RRAS2: variants seen among roughly 807,000 people sequenced by gnomAD.
RRAS2 encodes ras-related protein R-Ras2.
In RRAS2, 7 loss-of-function variants were observed where a neutral mutation model predicts 27.6. The ratio of observed to expected loss-of-function variants is 0.25; its 90% CI spans 0.14 to 0.48. The LOEUF (loss-of-function observed/expected upper bound fraction) is 0.48, where lower values mean the gene tolerates loss of function less well. Among genes scored for constraint, RRAS2 ranks in the 20% least tolerant of loss-of-function variants. The probability of loss-of-function intolerance (pLI) is 0.99; values close to 1 mark genes in which losing one functional copy is unlikely to be tolerated. For missense variants in RRAS2, 178 were observed against 256.2 expected, an observed-to-expected ratio of 0.69 and a Z score of 2.08; for synonymous variants, 86 against 90.9, an observed-to-expected ratio of 0.95 and a Z score of 0.31.
chr11:14,279,839 T>C (rs532676781), intron 5 of RRAS2, among the ~76,000 whole-genome samples: 2 of 152,350 alleles, frequency 1.3e-5, no homozygotes, highest in Admixed American at 6.5e-5. Context: ...GTTGACCTAG[T>C]CTGAGCCCCA....
In RRAS2 at chr11:14,287,527, T is replaced by A. The variant is rs145130001; in HGVS notation, c.409-5807A>T. On this transcript the variant is annotated intron_variant, in intron 4 of 5. Coordinates refer to ENST00000256196, the MANE Select transcript of RRAS2 (RefSeq NM_012250.6). Reference sequence around the variant, plus strand: ...GATACCTTGTCCTACCCATCATGCATAATGTAATTCACATAAACAGGAATA... The same window carrying A: ...GATACCTTGTCCTACCCATCATGCAAAATGTAATTCACATAAACAGGAATA... Among the ~76,000 whole-genome samples, 426 of 152,278 alleles carry A rather than the reference T, an allele frequency of 2.8e-3. 1 individual carries two copies. The highest frequency in any genetic ancestry group is 3.8e-3 in the African/African-American group (157 of 41,578).
chr11:14,283,945 T>C (rs1482581976), intron 4 of RRAS2, among the ~76,000 whole-genome samples: 3 of 152,294 alleles, frequency 2.0e-5, no homozygotes, highest in Non-Finnish European at 4.4e-5. Context: ...GCAATCCTCC[T>C]GCCTCAGCCT....
intron 2 of RRAS2, among the ~76,000 whole-genome samples, chr11:14,295,421 C>CT (rs529193885): frequency 1.1e-3 from 175 of 152,292 alleles, no homozygotes; most frequent in African/African-American, 4.0e-3. Flanking sequence ...CAGTATCAAA[C>CT]TTTTTCTATA....
chr11:14,328,238 T>C (rs1848406819), intron 1 of RRAS2, among the ~76,000 whole-genome samples: 1 of 151,818 alleles, frequency 6.6e-6, no homozygotes, highest in Non-Finnish European at 1.5e-5. Flanking sequence ...TGGTGGTGCA[T>C]GCCTGTAATC....
chr11:14,309,697 G>A (rs1317949895), intron 1 of RRAS2, among the ~76,000 whole-genome samples: 1 of 152,228 alleles, frequency 6.6e-6, no homozygotes, highest in Non-Finnish European at 1.5e-5. Flanking sequence ...GCAGTGCGGT[G>A]AGAGTACTGT....
intron 1 of RRAS2, among the ~76,000 whole-genome samples, chr11:14,311,600 C>T (rs968276425): frequency 2.0e-5 from 3 of 151,994 alleles, no homozygotes; most frequent in African/African-American, 4.8e-5. Flanking sequence ...TTCCTGATCT[C>T]GGGTGATCCG....
At chr11:14,315,228 T>C (rs1848071782) in intron 1 of RRAS2, among the ~76,000 whole-genome samples, 3 of 152,246 alleles carry the variant, frequency 2.0e-5, no homozygotes, top group African/African-American at 4.8e-5. Context: ...CAGACAAACA[T>C]TACCTCAGCC....
At chr11:14,319,031 T>A (rs1383524891) in intron 1 of RRAS2, among the ~76,000 whole-genome samples, 2 of 152,238 alleles carry the variant, frequency 1.3e-5, no homozygotes, top group African/African-American at 4.8e-5. Context: ...AGACTTTAAG[T>A]AACTTGCCCA....
intron 5 of RRAS2, among the ~76,000 whole-genome samples, chr11:14,281,283 T>C (rs544425941): frequency 6.6e-6 from 1 of 152,316 alleles, no homozygotes; most frequent in East Asian, 1.9e-4. Context: ...GAGGATTACA[T>C]GTAATAATAC....
chr11:14,287,769 G>A (rs1166314716), intron 4 of RRAS2, among the ~76,000 whole-genome samples: 1 of 151,686 alleles, frequency 6.6e-6, no homozygotes. Context: ...CTACTCGGGA[G>A]GCTGAGGCAG....
intron 1 of RRAS2, among the ~76,000 whole-genome samples, chr11:14,332,873 C>T (rs1434773792): frequency 2.6e-5 from 4 of 152,044 alleles, no homozygotes; most frequent in African/African-American, 9.7e-5. Flanking sequence ...AATCAGAGTT[C>T]CCTGGAAACA....
In RRAS2 at chr11:14,296,823, A is replaced by G. The variant is rs1847566303; in HGVS notation, c.109-968T>C. Among the ~76,000 whole-genome samples, 5 of 152,220 alleles carry G rather than the reference A, an allele frequency of 3.3e-5. No individual in the cohort carries two copies. In the South Asian group the frequency reaches 1.0e-3, roughly 32 times the overall value. On this transcript the variant is annotated intron_variant, in intron 1 of 5. Coordinates refer to ENST00000256196, the MANE Select transcript of RRAS2 (RefSeq NM_012250.6). ...CCAACTACCGAAGTCATTACCATAA[A>G]AAAAAGGGGGGGGACAGTTAAAGTA...
chr11:14,314,413 C>T (rs565394750), intron 1 of RRAS2, among the ~76,000 whole-genome samples: 4 of 152,186 alleles, frequency 2.6e-5, no homozygotes, highest in African/African-American at 9.6e-5. Flanking sequence ...CAACCAAATC[C>T]TCAATTTTAG....
chr11:14,328,225 G>A (rs1231818684), intron 1 of RRAS2, among the ~76,000 whole-genome samples: 1 of 152,012 alleles, frequency 6.6e-6, no homozygotes, highest in Non-Finnish European at 1.5e-5. Context: ...AATTAGCCAG[G>A]TGTGGTGGTG....
At chr11:14,331,644 G>A (rs1006993372) in intron 1 of RRAS2, among the ~76,000 whole-genome samples, 16 of 141,690 alleles carry the variant, frequency 1.1e-4, no homozygotes, top group African/African-American at 1.9e-4. Context: ...CAAGTCCAGC[G>A]TAGGCAACAT....
At chr11:14,281,499 T>G (rs1330077632) in intron 5 of RRAS2, 103 bp downstream of exon 5, 5 of 809,118 alleles carry the variant, frequency 6.2e-6, no homozygotes, top group African/African-American at 1.8e-5. Context: ...ATGCACCATG[T>G]GCATTAATCC....
At chr11:14,289,495 A>G (rs1412406868) in intron 4 of RRAS2, among the ~76,000 whole-genome samples, 1 of 152,238 alleles carries the variant, frequency 6.6e-6, no homozygotes, top group Non-Finnish European at 1.5e-5. Context: ...TATTTTAGCA[A>G]AGTTAAGCAA....
chr11:14,296,425 G>A (rs1847553008), intron 1 of RRAS2, among the ~76,000 whole-genome samples: 1 of 151,946 alleles, frequency 6.6e-6, no homozygotes, highest in South Asian at 2.1e-4. Flanking sequence ...ATGCAAGACT[G>A]TAAAAGATCT....
At chr11:14,304,726 T>A (rs1215969637) in intron 1 of RRAS2, among the ~76,000 whole-genome samples, 1 of 152,166 alleles carries the variant, frequency 6.6e-6, no homozygotes, top group Non-Finnish European at 1.5e-5. Context: ...GTAGCCTCCA[T>A]TTTCTAAAAC....
Sources: gnomAD v4.1 joint callset for allele counts (sites outside exome capture counted in the v4.1 genomes callset) on GRCh38, gnomAD v4.1.1 for gene constraint, MANE v1.5 for transcripts, NCBI Gene and HGNC (gene_info 2026-07-23, HGNC 2026-07-21) for gene names.